The following FBXO28 variants were observed in gnomAD, a reference collection of about 807,000 sequenced individuals.
FBXO28 encodes F-box protein 28, also known as F-box only protein 28.
FBXO28 carries 8 observed loss-of-function variants against 38.1 expected under a neutral mutation model. The ratio of observed to expected loss-of-function variants is 0.21; its 90% CI spans 0.12 to 0.38. FBXO28 has a LOEUF of 0.38. Ranked by LOEUF, FBXO28 falls within the 10% of genes least tolerant of loss-of-function variation. The pLI, the probability that FBXO28 is intolerant of heterozygous loss-of-function variation, is 1.00. For synonymous variants in FBXO28, 168 were observed against 173.8 expected (o/e 0.97, Z 0.26); for missense variants, 345 against 460.6 (o/e 0.75, Z 2.30).
chr1:224,135,611 C>CAAAAA (rs71168313), intron 3 of FBXO28, among the ~76,000 whole-genome samples: 89 of 110,734 alleles, frequency 8.0e-4, no homozygotes, highest in African/African-American at 1.1e-3. Flanking sequence ...GACTCTGTCT[C>CAAAAA]AAAAAAAAAA....
rs1036702322 is a variant in FBXO28 at position 224,153,063 on chromosome 1, G to A, written c.517-79G>A. On this transcript the variant is annotated intron_variant, in intron 3 of 4. Transcript: ENST00000366862. ...CTTTACTGGAATTGCAAAACAAGCA[G>A]TTACTTCTCTGCCTGTTTAGCTATT... is the stretch of plus-strand genomic sequence containing the variant. 5.1e-6 allele frequency: 6 copies of A among 1,174,318 alleles called. 1 individual carries two copies. The highest frequency in any genetic ancestry group is 4.5e-5 in the South Asian group (3 of 66,866). The allele number at this position is 1,174,318 out of a possible 1,614,324, so 72.7% of individuals were successfully genotyped here.
chr1:224,136,768 T>A (rs1339229193), intron 3 of FBXO28, among the ~76,000 whole-genome samples: 2 of 151,498 alleles, frequency 1.3e-5, no homozygotes, highest in Admixed American at 1.3e-4. Flanking sequence ...GTTTTTGTTT[T>A]TGAGATGGGG....
At chr1:224,114,806 A>G (rs898091672) in intron 1 of FBXO28, among the ~76,000 whole-genome samples, 1 of 152,212 alleles carries the variant, frequency 6.6e-6, no homozygotes, top group African/African-American at 2.4e-5. Flanking sequence ...AAGTAGGCAG[A>G]TGATCCCAGC....
intron 1 of FBXO28, among the ~76,000 whole-genome samples, chr1:224,120,276 C>A (rs1249829883): frequency 6.6e-6 from 1 of 152,176 alleles, no homozygotes; most frequent in Non-Finnish European, 1.5e-5. Context: ...TTCAGTTTCC[C>A]AAATATCTTG....
chr1:224,130,340 T>C (rs1657008587), intron 1 of FBXO28, 132 bp from the exon 2 acceptor site: 2 of 597,756 alleles, frequency 3.3e-6, no homozygotes, highest in Non-Finnish European at 5.8e-6. Flanking sequence ...AGACTTCGTC[T>C]CAAAAAAAAA....
chr1:224,126,025 C>G (rs1368371987), intron 1 of FBXO28, among the ~76,000 whole-genome samples: 1 of 152,298 alleles, frequency 6.6e-6, no homozygotes, highest in East Asian at 1.9e-4. Context: ...CATCTGTCTT[C>G]GGAAGTAGTT....
intron 1 of FBXO28, among the ~76,000 whole-genome samples, chr1:224,115,811 A>G (rs932600992): frequency 1.2e-4 from 18 of 152,214 alleles, no homozygotes; most frequent in African/African-American, 3.9e-4. Flanking sequence ...GAACCATTCA[A>G]CCAGACAATG....
chr1:224,152,947 AAAAAAAG>A (rs1000418515), intron 3 of FBXO28, among the ~76,000 whole-genome samples, 188 bp from the exon 4 acceptor site: 3 of 151,116 alleles, frequency 2.0e-5, no homozygotes, highest in African/African-American at 7.3e-5. Context: ...AAAAAAAAAA[AAAAAAAG>A]TACTGTAACA....
intron 1 of FBXO28, among the ~76,000 whole-genome samples, chr1:224,119,215 A>G (rs10753446): frequency 0.93 from 137,001 of 147,806 alleles, 64,306 homozygotes; most frequent in Non-Finnish European, 1. Flanking sequence ...CTCACTGCAA[A>G]CTCTGCCTCC....
chr1:224,143,887 C>A (rs1382195576), intron 3 of FBXO28, among the ~76,000 whole-genome samples: 2 of 148,584 alleles, frequency 1.3e-5, no homozygotes, highest in East Asian at 2.0e-4. Context: ...TGGCTCACAC[C>A]GTAATCCCAG....
At chr1:224,128,758 A>G (rs1572010475) in intron 1 of FBXO28, among the ~76,000 whole-genome samples, 1 of 152,102 alleles carries the variant, frequency 6.6e-6, no homozygotes, top group Non-Finnish European at 1.5e-5. Flanking sequence ...AGGCCAAAGC[A>G]GAGGATTGCT....
chr1:224,129,488 CAAATG>C (rs1384976109), intron 1 of FBXO28, among the ~76,000 whole-genome samples: 1 of 152,134 alleles, frequency 6.6e-6, no homozygotes, highest in African/African-American at 2.4e-5. Flanking sequence ...AGGTTAGACT[CAAATG>C]GATACATTTC....
intron 3 of FBXO28, among the ~76,000 whole-genome samples, chr1:224,135,819 A>T (rs1657169334): frequency 6.6e-6 from 1 of 151,884 alleles, no homozygotes. Context: ...GGCAGATCAC[A>T]AGGTCAGGAG....
intron 4 of FBXO28, among the ~76,000 whole-genome samples, chr1:224,154,675 G>A (rs1230123023): frequency 6.6e-6 from 1 of 152,196 alleles, no homozygotes; most frequent in Non-Finnish European, 1.5e-5. Flanking sequence ...GGGCGCGGTG[G>A]TGGGTGTCTG....
intron 1 of FBXO28, among the ~76,000 whole-genome samples, chr1:224,125,113 CTT>C (rs75177885): frequency 1.4e-5 from 2 of 144,398 alleles, no homozygotes; most frequent in Non-Finnish European, 1.5e-5. Flanking sequence ...AATAATTTTT[CTT>C]TTTTTTTTTT....
At chr1:224,138,329 T>A (rs1453193468) in intron 3 of FBXO28, among the ~76,000 whole-genome samples, 1 of 151,894 alleles carries the variant, frequency 6.6e-6, no homozygotes, top group Non-Finnish European at 1.5e-5. Context: ...TTTTTGGCCC[T>A]GTGAACCTTG....
chr1:224,118,994 G>C (rs1368100780), intron 1 of FBXO28, among the ~76,000 whole-genome samples: 2 of 152,174 alleles, frequency 1.3e-5, no homozygotes, highest in African/African-American at 4.8e-5. Flanking sequence ...GGTACTCTGA[G>C]AATAGTTTGG....
intron 3 of FBXO28, among the ~76,000 whole-genome samples, chr1:224,150,329 A>G (rs1222735999): frequency 2.0e-5 from 3 of 152,192 alleles, no homozygotes; most frequent in Admixed American, 6.5e-5. Context: ...TGAAAAAATT[A>G]TGGAGTACTG....
chr1:224,119,135 CTT>C (rs67458349), intron 1 of FBXO28, among the ~76,000 whole-genome samples: 4,420 of 109,776 alleles, frequency 0.04, 220 homozygotes, highest in African/African-American at 0.14. Flanking sequence ...TCTTTTTTTT[CTT>C]TTTTTTTTTT....
Sources: gnomAD v4.1 joint callset for allele counts (sites outside exome capture counted in the v4.1 genomes callset) on GRCh38, gnomAD v4.1.1 for gene constraint, MANE v1.5 for transcripts, NCBI Gene and HGNC (gene_info 2026-07-23, HGNC 2026-07-21) for gene names.